RCOR1: variants seen among roughly 807,000 people sequenced by gnomAD.
RCOR1 encodes REST corepressor.
RCOR1 carries 12 observed loss-of-function variants against 64.0 expected under a neutral mutation model. The observed-to-expected ratio is 0.19, with a 90% CI of 0.12 to 0.30. The LOEUF is 0.30. RCOR1 is among the 10% of genes least tolerant of loss of function. The pLI is 1.00. For synonymous variants in RCOR1, 279 were observed against 227.2 expected (o/e 1.23, Z -2.05); for missense variants, 502 against 621.2 (o/e 0.81, Z 2.04).
At chr14:102,676,473 C>T (rs1369459079) in intron 2 of RCOR1, among the ~76,000 whole-genome samples, 1 of 100,276 alleles carries the variant, frequency 1.0e-5, no homozygotes, top group Non-Finnish European at 2.0e-5. Context: ...GGGGCTGACC[C>T]CCCCACCTCC....
At chr14:102,624,908 T>C (rs1433717944) in intron 2 of RCOR1, among the ~76,000 whole-genome samples, 1 of 152,152 alleles carries the variant, frequency 6.6e-6, no homozygotes, top group African/African-American at 2.4e-5. Context: ...TCTTCCCCTT[T>C]TTCCCCAGCT....
At chr14:102,658,984 A>G (rs1021461460) in intron 2 of RCOR1, 5 of 400,338 alleles carry the variant, frequency 1.2e-5, no homozygotes, top group Non-Finnish European at 1.4e-5. Flanking sequence ...TTTTTTGGAA[A>G]CAAGTTAGTA....
chr14:102,609,921 C>G (rs963391942), intron 2 of RCOR1, among the ~76,000 whole-genome samples: 16 of 151,892 alleles, frequency 1.1e-4, no homozygotes, highest in Non-Finnish European at 1.8e-4. Flanking sequence ...AGGCAGATCA[C>G]GAGGTCAAGA....
intron 2 of RCOR1, chr14:102,658,408 ACTAGGGAGGTAAGAAGTTG>A (rs927393535): frequency 2.1e-6 from 1 of 486,876 alleles, no homozygotes; most frequent in African/African-American, 2.1e-5. Context: ...AAGTGCTTGA[ACTAGGGAGGTAAGAAGTTG>A]CAGTGAGCCA....
Position 102,707,368 on chromosome 14 carries a change from C to T in RCOR1, c.516C>T (p.Phe172=). 1 of 1,603,988 alleles carries T rather than the reference C, an allele frequency of 6.2e-7. No individual in the cohort carries two copies. The highest frequency in any genetic ancestry group is 8.5e-7 in the Non-Finnish European group (1 of 1,176,410). ...TTTTGTAGGCTCTTGGGATGCTCTT[C>T]TGGCATAAACATAATATCGAAAAGT... ...YNMEQALGML[F]WHKHNIEKSL... The change falls in exon 5 of 12, where the codon TTC becomes TTT. Residue 172 remains phenylalanine, a synonymous_variant. Transcript: ENST00000262241.
chr14:102,618,799 C>CCT (rs1025484659), intron 2 of RCOR1, among the ~76,000 whole-genome samples: 1 of 151,898 alleles, frequency 6.6e-6, no homozygotes, highest in African/African-American at 2.4e-5. Context: ...GGGGCATAAA[C>CCT]CTAGGGGCTT....
chr14:102,680,010 T>C (rs1227168765), intron 2 of RCOR1, among the ~76,000 whole-genome samples: 1 of 152,224 alleles, frequency 6.6e-6, no homozygotes, highest in Non-Finnish European at 1.5e-5. Flanking sequence ...TTGGGAAGAA[T>C]GCCTTCTTAA....
chr14:102,665,614 T>C (rs1894903527), intron 2 of RCOR1, among the ~76,000 whole-genome samples: 1 of 152,164 alleles, frequency 6.6e-6, no homozygotes, highest in African/African-American at 2.4e-5. Context: ...TCTTTAGGGT[T>C]AGTGAAGCTA....
chr14:102,611,235 C>T (rs1015732307), intron 2 of RCOR1, among the ~76,000 whole-genome samples: 1 of 152,068 alleles, frequency 6.6e-6, no homozygotes, highest in African/African-American at 2.4e-5. Flanking sequence ...CCACGCCTGG[C>T]TAATTTTTTG....
chr14:102,706,114 C>CT (rs1412106597), intron 4 of RCOR1, among the ~76,000 whole-genome samples: 1 of 21,330 alleles, frequency 4.7e-5, no homozygotes, highest in Non-Finnish European at 7.5e-5. Context: ...AACCCTGTCT[C>CT]AAAAAAAAAA....
At chr14:102,641,043 G>A (rs768652029) in intron 2 of RCOR1, among the ~76,000 whole-genome samples, 1 of 152,028 alleles carries the variant, frequency 6.6e-6, no homozygotes, top group Non-Finnish European at 1.5e-5. Flanking sequence ...CACGAGGTCA[G>A]GAGATCGAGA....
chr14:102,711,042 C>A, intron 7 of RCOR1, 29 bp downstream of exon 7: 3 of 1,420,980 alleles, frequency 2.1e-6, no homozygotes, highest in Non-Finnish European at 2.9e-6. Flanking sequence ...ATTGTTTAGG[C>A]GAATAAATTT....
chr14:102,592,760 C>T lies in RCOR1; in HGVS notation c.-127C>T. On this transcript the variant is annotated 5_prime_UTR_variant, in exon 1 of 12. Transcript: ENST00000262241. ...GTTTGGGCCTCCCCCGACTCGGACTCGCGCCCGTGGGCTCCCGCCGCGCCC... is the reference window on the plus strand; with the variant it reads ...GTTTGGGCCTCCCCCGACTCGGACTTGCGCCCGTGGGCTCCCGCCGCGCCC... 1 of 1,212,006 alleles carries T rather than the reference C, an allele frequency of 8.3e-7. No individual in the cohort carries two copies. The highest frequency in any genetic ancestry group is 1.6e-5 in the African/African-American group (1 of 63,310). The allele number at this position is 1,212,006 out of a possible 1,614,324, so 75.1% of individuals were successfully genotyped here. A position where few individuals can be genotyped will look rare whatever the true frequency, so the allele number is the denominator to read the frequency against.
intron 2 of RCOR1, chr14:102,656,056 T>G: frequency 1.0e-6 from 1 of 985,388 alleles, no homozygotes; most frequent in Non-Finnish European, 1.2e-6. Context: ...GTGTAAGTTG[T>G]AATGTTTCTT....
At chr14:102,616,828 A>G (rs1215164864) in intron 2 of RCOR1, among the ~76,000 whole-genome samples, 1 of 152,138 alleles carries the variant, frequency 6.6e-6, no homozygotes, top group Non-Finnish European at 1.5e-5. Flanking sequence ...TTACGTAGGG[A>G]TGACTGATTA....
At chr14:102,653,146 T>A (rs1313186869) in intron 2 of RCOR1, among the ~76,000 whole-genome samples, 1 of 152,040 alleles carries the variant, frequency 6.6e-6, no homozygotes, top group Non-Finnish European at 1.5e-5. Context: ...ATGATCTCGA[T>A]CTCTTGACCT....
chr14:102,676,425 C>T (rs1239738695), intron 2 of RCOR1, among the ~76,000 whole-genome samples: 4 of 122,158 alleles, frequency 3.3e-5, no homozygotes, highest in Admixed American at 7.6e-5. Flanking sequence ...CAGGCAGAGG[C>T]GCCCCTCACC....
At chr14:102,670,295 G>A (rs565357700) in intron 2 of RCOR1, among the ~76,000 whole-genome samples, 2 of 152,162 alleles carry the variant, frequency 1.3e-5, no homozygotes, top group African/African-American at 2.4e-5. Flanking sequence ...ATCTTTTTGA[G>A]TCCTACTGAT....
At chr14:102,717,061 T>C (rs1397084183) in intron 8 of RCOR1, among the ~76,000 whole-genome samples, 1 of 152,216 alleles carries the variant, frequency 6.6e-6, no homozygotes, top group Non-Finnish European at 1.5e-5. Context: ...TATTTGGTAC[T>C]TTTTTGGTGC....
Sources: allele counts gnomAD v4.1 joint callset (sites outside exome capture counted in the v4.1 genomes callset), GRCh38; gene constraint gnomAD v4.1.1; transcripts MANE v1.5; gene names NCBI Gene and HGNC (gene_info 2026-07-23, HGNC 2026-07-21).